The following SAMD4A variants were observed in gnomAD, a reference collection of about 807,000 sequenced individuals.
SAMD4A encodes the protein sterile alpha motif domain containing 4A.
In SAMD4A, 33 loss-of-function variants were observed where a neutral mutation model predicts 81.3. The ratio of observed to expected loss-of-function variants is 0.41; its 90% CI spans 0.31 to 0.54. The LOEUF is 0.54. Among genes scored for constraint, SAMD4A ranks in the 20% least tolerant of loss-of-function variants. The pLI is 0.37. For missense variants in SAMD4A, 854 were observed against 951.1 expected, an observed-to-expected ratio of 0.90 and a Z score of 1.34; for synonymous variants, 389 against 382.1, an observed-to-expected ratio of 1.02 and a Z score of -0.21.
intron 2 of SAMD4A, among the ~76,000 whole-genome samples, chr14:54,592,864 C>G (rs2033816555): frequency 1.3e-5 from 2 of 152,198 alleles, no homozygotes; most frequent in African/African-American, 4.8e-5. Context: ...ACATTTCCTT[C>G]TAGGCCGTCA....
chr14:54,788,700 T>C (rs1283674903), intron 12 of SAMD4A, among the ~76,000 whole-genome samples: 1 of 152,246 alleles, frequency 6.6e-6, no homozygotes, highest in Admixed American at 6.5e-5. Flanking sequence ...TTAGATATTT[T>C]CATCTTGGTT....
chr14:54,698,647 A>G (rs1460395517), intron 2 of SAMD4A, among the ~76,000 whole-genome samples: 1 of 152,250 alleles, frequency 6.6e-6, no homozygotes, highest in Non-Finnish European at 1.5e-5. Flanking sequence ...AGTAGCAGAA[A>G]TAGTTTGATC....
intron 2 of SAMD4A, among the ~76,000 whole-genome samples, chr14:54,598,535 T>G (rs1277334427): frequency 6.6e-6 from 1 of 152,232 alleles, no homozygotes; most frequent in Non-Finnish European, 1.5e-5. Flanking sequence ...TATAACATAT[T>G]GTAATGCACT....
chr14:54,603,761 A>C (rs919228278), intron 2 of SAMD4A, among the ~76,000 whole-genome samples: 4 of 152,072 alleles, frequency 2.6e-5, no homozygotes, highest in African/African-American at 9.7e-5. Context: ...TCTTTAAAAA[A>C]AAAAAAAAGA....
chr14:54,783,170 A>AC (rs1236288380), intron 11 of SAMD4A, among the ~76,000 whole-genome samples: 22 of 151,126 alleles, frequency 1.5e-4, no homozygotes, highest in Non-Finnish European at 2.8e-4. Flanking sequence ...AAAAAAAAAA[A>AC]AAAACAAAAA....
intron 3 of SAMD4A, among the ~76,000 whole-genome samples, chr14:54,721,570 G>A (rs2037263073): frequency 6.6e-6 from 1 of 152,078 alleles, no homozygotes. Context: ...TTATCAATAG[G>A]ATGTTGCCTA....
intron 3 of SAMD4A, among the ~76,000 whole-genome samples, chr14:54,730,282 G>A (rs1012436771): frequency 6.6e-6 from 1 of 152,284 alleles, no homozygotes; most frequent in Non-Finnish European, 1.5e-5. Flanking sequence ...GAGATGTCAT[G>A]GGGGAAAGAG....
chr14:54,659,002 T>C (rs186000742), intron 2 of SAMD4A, among the ~76,000 whole-genome samples: 1 of 152,246 alleles, frequency 6.6e-6, no homozygotes, highest in East Asian at 1.9e-4. Flanking sequence ...CACCTGTAAA[T>C]CAAGAATGCC....
intron 2 of SAMD4A, among the ~76,000 whole-genome samples, chr14:54,580,041 A>C (rs191173883): frequency 6.6e-4 from 100 of 152,354 alleles, no homozygotes; most frequent in African/African-American, 2.4e-3. Context: ...TTTACTAGCA[A>C]CATGCAATTA....
At chr14:54,742,344 G>A (rs1056636777) in intron 4 of SAMD4A, among the ~76,000 whole-genome samples, 2 of 152,086 alleles carry the variant, frequency 1.3e-5, no homozygotes, top group Non-Finnish European at 2.9e-5. Flanking sequence ...AATAGAATGG[G>A]GGGGGCAGCA....
chr14:54,630,163 T>A (rs1240627567), intron 2 of SAMD4A, among the ~76,000 whole-genome samples: 1 of 152,238 alleles, frequency 6.6e-6, no homozygotes, highest in Non-Finnish European at 1.5e-5. Flanking sequence ...CTCTTTGAAA[T>A]CCTACTTTCA....
At chr14:54,619,584 A>C (rs2034567472) in intron 2 of SAMD4A, among the ~76,000 whole-genome samples, 1 of 152,090 alleles carries the variant, frequency 6.6e-6, no homozygotes. Context: ...TCAGGGGTAC[A>C]TGTGCAGGTT....
chr14:54,774,834 A>ATT, intron 9 of SAMD4A, 100 bp from the exon 10 acceptor site: 5 of 991,484 alleles, frequency 5.0e-6, no homozygotes, highest in Non-Finnish European at 7.3e-6. Context: ...AAAAAAAAAA[A>ATT]ATGAGGAGAC....
At chr14:54,626,057 TGTGCGC>T (rs1371894235) in intron 2 of SAMD4A, among the ~76,000 whole-genome samples, 191 of 105,800 alleles carry the variant, frequency 1.8e-3, no homozygotes, top group African/African-American at 7.5e-3. Context: ...TGTGTGTGTG[TGTGCGC>T]GCGCGCGCGC....
chr14:54,662,760 C>A (rs1594783642), intron 2 of SAMD4A, among the ~76,000 whole-genome samples: 2 of 152,036 alleles, frequency 1.3e-5, no homozygotes, highest in East Asian at 3.9e-4. Context: ...AAGGGAGGGT[C>A]CTTGTGGCCA....
intron 2 of SAMD4A, among the ~76,000 whole-genome samples, chr14:54,660,212 T>G (rs2035610218): frequency 6.6e-6 from 1 of 152,238 alleles, no homozygotes; most frequent in South Asian, 2.1e-4. Context: ...CAACTTGCCT[T>G]ATTTCCTTTC....
At chr14:54,766,591 G>A (rs2038550491) in intron 8 of SAMD4A, among the ~76,000 whole-genome samples, 1 of 152,182 alleles carries the variant, frequency 6.6e-6, no homozygotes, top group Non-Finnish European at 1.5e-5. Flanking sequence ...TCGTAAGGAG[G>A]CAGAAGAGAG....
At chr14:54,669,292 G>A (rs2035822428) in intron 2 of SAMD4A, among the ~76,000 whole-genome samples, 1 of 152,092 alleles carries the variant, frequency 6.6e-6, no homozygotes, top group Admixed American at 6.6e-5. Context: ...TGTCCTCCTT[G>A]GAGGCTCTCC....
intron 2 of SAMD4A, among the ~76,000 whole-genome samples, chr14:54,646,655 A>G (rs1480322704): frequency 1.4e-4 from 22 of 152,244 alleles, no homozygotes; most frequent in Admixed American, 1.4e-3. Flanking sequence ...GGTAGGGAGA[A>G]AGAGCTCATG....
Sources: allele counts gnomAD v4.1 joint callset (sites outside exome capture counted in the v4.1 genomes callset), GRCh38; gene constraint gnomAD v4.1.1; transcripts MANE v1.5; gene names NCBI Gene and HGNC (gene_info 2026-07-23, HGNC 2026-07-21).